PPP1R42: variants seen among roughly 807,000 people sequenced by gnomAD.
PPP1R42 encodes leucine rich repeat containing 67.
Under a neutral mutation model 31.0 loss-of-function variants are expected in PPP1R42, and 34 were observed. That is an observed-to-expected ratio of 1.10 (90% confidence interval 0.83 to 1.46). The LOEUF (loss-of-function observed/expected upper bound fraction) is 1.46, where lower values mean the gene tolerates loss of function less well. Among genes scored for constraint, PPP1R42 ranks in the 40% most tolerant of loss-of-function variants. The pLI is 0.00. For synonymous variants in PPP1R42, 103 were observed against 109.8 expected, an observed-to-expected ratio of 0.94 and a Z score of 0.39; for missense variants, 268 against 303.0, an observed-to-expected ratio of 0.88 and a Z score of 0.86.
intron 1 of PPP1R42, among the ~76,000 whole-genome samples, chr8:67,018,545 G>A (rs79204164): frequency 7.2e-6 from 1 of 139,252 alleles, no homozygotes; most frequent in South Asian, 2.3e-4. Context: ...GACGACTCTC[G>A]CTCTGTCGCC....
chr8:67,009,716 T>G (rs1456006658), intron 5 of PPP1R42, among the ~76,000 whole-genome samples: 1 of 152,244 alleles, frequency 6.6e-6, no homozygotes, highest in Non-Finnish European at 1.5e-5. Flanking sequence ...ATTATTCAAT[T>G]GCATTTTAGA....
intron 1 of PPP1R42, among the ~76,000 whole-genome samples, chr8:67,019,925 A>ACTATTC (rs1160121331): frequency 5.9e-5 from 9 of 151,830 alleles, no homozygotes; most frequent in Admixed American, 1.3e-4. Flanking sequence ...AAACAAAAAA[A>ACTATTC]CTAAGCCCCA....
chr8:66,970,409 T>G (rs1422470887), intron 7 of PPP1R42, among the ~76,000 whole-genome samples: 1 of 152,272 alleles, frequency 6.6e-6, no homozygotes, highest in East Asian at 1.9e-4. Context: ...ATGCTGAGAT[T>G]ATAGGCGTGA....
chr8:66,965,263 CAAA>C (rs35319935), intron 7 of PPP1R42, among the ~76,000 whole-genome samples: 6 of 66,568 alleles, frequency 9.0e-5, no homozygotes, highest in Admixed American at 3.5e-4. Context: ...GACTCCGTCT[CAAA>C]AAAAAAAAAA....
At chr8:67,023,431 T>C (rs1465894672) in intron 1 of PPP1R42, among the ~76,000 whole-genome samples, 1 of 152,174 alleles carries the variant, frequency 6.6e-6, no homozygotes, top group Non-Finnish European at 1.5e-5. Context: ...TTTTGAGTTA[T>C]TGGGATCATA....
chr8:66,997,468 TA>T (rs1554540839), intron 5 of PPP1R42, among the ~76,000 whole-genome samples: 2 of 148,160 alleles, frequency 1.3e-5, no homozygotes, highest in East Asian at 2.0e-4. Context: ...CCCAGCTAAT[TA>T]AAAAAAAAGA....
At chr8:67,024,007 A>G (rs1308421258) in intron 1 of PPP1R42, among the ~76,000 whole-genome samples, 4 of 151,980 alleles carry the variant, frequency 2.6e-5, no homozygotes, top group Non-Finnish European at 5.9e-5. Flanking sequence ...TTAGCCGGGC[A>G]TGGTGGCGCG....
At chr8:67,007,481 C>G (rs1242897090) in intron 5 of PPP1R42, among the ~76,000 whole-genome samples, 3 of 152,158 alleles carry the variant, frequency 2.0e-5, no homozygotes, top group African/African-American at 7.2e-5. Context: ...GCTTCAGCCT[C>G]CTGAGTAGCT....
At chr8:67,018,918 C>T (rs952828202) in intron 1 of PPP1R42, among the ~76,000 whole-genome samples, 2 of 150,248 alleles carry the variant, frequency 1.3e-5, no homozygotes, top group Admixed American at 1.3e-4. Flanking sequence ...CAACCTCCGC[C>T]TCCCTGGTTA....
intron 5 of PPP1R42, among the ~76,000 whole-genome samples, chr8:66,999,987 T>G (rs1028577431): frequency 1.3e-5 from 2 of 152,198 alleles, no homozygotes; most frequent in Non-Finnish European, 2.9e-5. Flanking sequence ...TCTGTTTTCT[T>G]GAACAGCCTA....
At chr8:67,015,772 G>A (rs933716392) in intron 2 of PPP1R42, among the ~76,000 whole-genome samples, 7 of 152,086 alleles carry the variant, frequency 4.6e-5, no homozygotes, top group Non-Finnish European at 1.0e-4. Flanking sequence ...TAAAAAGGCT[G>A]CCATTTCTTG....
intron 3 of PPP1R42, 120 bp from the exon 4 acceptor site, chr8:67,013,216 T>G: frequency 1.4e-6 from 1 of 710,864 alleles, no homozygotes; most frequent in Non-Finnish European, 2.2e-6. Flanking sequence ...TGTGGAATGT[T>G]GTGTTATATT....
chr8:67,003,576 C>G (rs1815575778), intron 5 of PPP1R42, among the ~76,000 whole-genome samples: 1 of 151,968 alleles, frequency 6.6e-6, no homozygotes, highest in South Asian at 2.1e-4. Flanking sequence ...GTCTAGGTTT[C>G]TGTTTGTTTT....
intron 5 of PPP1R42, among the ~76,000 whole-genome samples, chr8:67,009,504 G>T (rs2129536827): frequency 6.6e-6 from 1 of 152,204 alleles, no homozygotes; most frequent in South Asian, 2.1e-4. Flanking sequence ...GGAGGCAGAG[G>T]TTGCAGTGAT....
chr8:66,976,017 G>A (rs962520892), intron 7 of PPP1R42, among the ~76,000 whole-genome samples: 2 of 152,160 alleles, frequency 1.3e-5, no homozygotes, highest in Admixed American at 1.3e-4. Flanking sequence ...TGAGTGGCAG[G>A]TAAGCGAATG....
intron 7 of PPP1R42, chr8:66,970,768 T>TTCTGGAAACACCCCTTCCCA: frequency 1.8e-6 from 1 of 550,818 alleles, no homozygotes; most frequent in Non-Finnish European, 3.5e-6. Context: ...CGCCGAAGTC[T>TTCTGGAAACACCCCTTCCCA]TCTGGAAACA....
chr8:66,998,235 A>G (rs1043854387), intron 5 of PPP1R42, among the ~76,000 whole-genome samples: 6 of 152,192 alleles, frequency 3.9e-5, no homozygotes, highest in African/African-American at 1.2e-4. Context: ...ATTTCTTCCA[A>G]TATTTTGTGT....
intron 5 of PPP1R42, among the ~76,000 whole-genome samples, chr8:66,999,905 C>A (rs918535809): frequency 1.3e-5 from 2 of 152,170 alleles, no homozygotes; most frequent in African/African-American, 4.8e-5. Flanking sequence ...AAGTTCTTTA[C>A]AACATTCCCT....
rs1816471067 is a variant in PPP1R42, at chr8:67,028,529, C to A, written c.-123G>T. On this transcript the variant is annotated 5_prime_UTR_variant, in exon 1 of 8. Coordinates refer to ENST00000685739, the MANE Select transcript of PPP1R42 (RefSeq NM_001364910.1). ...GTCCGGTAGCTAACTCCAGTTTGGT[C>A]GGTTTCATCGGCGCCGGGTCCCTAC... 1.0e-6 allele frequency: 1 copy of A among 985,512 alleles called. No individual in the cohort carries two copies. Among genetic ancestry groups the A allele is most frequent in the Non-Finnish European group, 1.2e-6 (1 of 829,962 alleles). The allele number at this position is 985,512 out of a possible 1,614,324, so 61.0% of individuals were successfully genotyped here.
Sources: allele counts gnomAD v4.1 joint callset (sites outside exome capture counted in the v4.1 genomes callset), GRCh38; gene constraint gnomAD v4.1.1; transcripts MANE v1.5; gene names NCBI Gene and HGNC (gene_info 2026-07-23, HGNC 2026-07-21).